Variants in SIK2 observed in about 807,000 individuals in gnomAD.
SIK2 encodes the protein salt inducible kinase 2.
SIK2 carries 29 observed loss-of-function variants against 103.2 expected under a neutral mutation model. The ratio of observed to expected loss-of-function variants is 0.28; its 90% confidence interval spans 0.21 to 0.38. The LOEUF is 0.38. Ranked by LOEUF, SIK2 falls within the 10% of genes least tolerant of loss-of-function variation. SIK2 has a pLI of 1.00. For missense variants in SIK2, 879 were observed against 1,171.0 expected (o/e 0.75, Z 3.64); for synonymous variants, 412 against 446.1 (o/e 0.92, Z 0.96).
chr11:111,713,426 C>T (rs1397434299), intron 9 of SIK2, among the ~76,000 whole-genome samples: 1 of 152,176 alleles, frequency 6.6e-6, no homozygotes, highest in African/African-American at 2.4e-5. Context: ...CTTTGAACCT[C>T]AGTTTTCTCT....
chr11:111,632,722 G>A (rs763418922), intron 3 of SIK2, among the ~76,000 whole-genome samples: 1 of 152,098 alleles, frequency 6.6e-6, no homozygotes, highest in Non-Finnish European at 1.5e-5. Flanking sequence ...ACAAGCTTCC[G>A]TCTGCTGATT....
intron 9 of SIK2, among the ~76,000 whole-genome samples, chr11:111,714,277 CA>C (rs1943579408): frequency 6.6e-6 from 1 of 152,196 alleles, no homozygotes; most frequent in African/African-American, 2.4e-5. Context: ...AGGAGGTTAG[CA>C]TTAAATGGCA....
In SIK2 at chr11:111,720,015, G is replaced by T; in HGVS notation, c.1495+12G>T. On this transcript the variant is annotated intron_variant, in intron 10 of 14. Coordinates refer to ENST00000304987, the MANE Select transcript of SIK2 (RefSeq NM_015191.3). ...GATGCCTGGGGCAGGTACGGTAGAG[G>T]AGCGACACTAGCTTGAGTCTTCATG... The T allele has an allele frequency of 6.2e-7, 1 of 1,608,084 alleles. No homozygotes were observed. Among genetic ancestry groups the T allele is most frequent in the South Asian group, 1.1e-5 (1 of 90,112 alleles).
rs958486252 is a variant in SIK2, at chr11:111,730,704, C to T, written c.*6575C>T. 1.2e-4 allele frequency: 18 copies of T among 151,754 alleles called. No homozygotes were observed. Among genetic ancestry groups the T allele is most frequent in the African/African-American group, 2.9e-4 (12 of 41,258 alleles). The allele number at this position is 151,754 out of a possible 1,614,324, so 9.4% of individuals were successfully genotyped here. ...AAAAAATCAAAAGTATAACTTGTCA[C>T]TTAATGTTAGAAAATTGCCTAAAAT... On this transcript the variant is annotated 3_prime_UTR_variant, in exon 15 of 15. Coordinates refer to ENST00000304987, the MANE Select transcript of SIK2 (RefSeq NM_015191.3).
chr11:111,706,356 G>A (rs1943346040), intron 8 of SIK2, among the ~76,000 whole-genome samples: 1 of 152,154 alleles, frequency 6.6e-6, no homozygotes, highest in African/African-American at 2.4e-5. Context: ...TTGCTCAGGA[G>A]GAAGATGTGG....
At chr11:111,664,319 A>G (rs1358850176) in intron 3 of SIK2, among the ~76,000 whole-genome samples, 1 of 152,142 alleles carries the variant, frequency 6.6e-6, no homozygotes, top group Non-Finnish European at 1.5e-5. Context: ...GTGGGAGAGC[A>G]TGAAATAAGA....
rs75000589 is a variant in SIK2 at position 111,690,166 on chromosome 11, A to C, written c.478+2004A>C. On this transcript the variant is annotated intron_variant, in intron 4 of 14. Transcript: ENST00000304987. ...CCTTCCATTTGGTGTCATTTATTTC[A>C]CTCTTTTTTGCCAACCTTCTGTGAG... 4.1e-5 allele frequency among the ~76,000 whole-genome samples: 6 copies of C among 146,604 alleles called. No homozygotes were observed. The East Asian group carries it at 1.2e-3, about 30-fold the overall frequency.
rs1943813119 is a variant in SIK2 at position 111,721,894 on chromosome 11, C to T, written c.2009C>T (p.Ser670Phe). 6 of 1,612,098 alleles carry T rather than the reference C, an allele frequency of 3.7e-6. No homozygotes were observed. Among genetic ancestry groups the T allele is most frequent in the Non-Finnish European group, 5.1e-6 (6 of 1,179,002 alleles). Residue 670 changes from serine (S) to phenylalanine (F), a missense_variant, in exon 13 of 15, where the codon TCC becomes TTC. Physicochemically the swap from Ser to Phe is radical, Grantham distance 155. Coordinates refer to ENST00000304987, the MANE Select transcript of SIK2 (RefSeq NM_015191.3). ...TLPASVHPQL[S>F]PRQSLETQYL... is the part of the protein sequence containing the mutation. ...CCTGCCAGCGTGCATCCCCAGCTGT[C>T]CCCACGGCAGAGCCTGGAGACCCAG...
rs1022615783 is a variant in SIK2, at chr11:111,717,662, A to G, written c.1267-2113A>G. Among the ~76,000 whole-genome samples the G allele has an allele frequency of 3.9e-5, 6 of 152,232 alleles. 1 individual carries two copies. Among genetic ancestry groups the G allele is most frequent in the South Asian group, 4.1e-4 (2 of 4,834 alleles). On this transcript the variant is annotated intron_variant, in intron 9 of 14. Coordinates refer to ENST00000304987, the MANE Select transcript of SIK2 (RefSeq NM_015191.3). ...GCATGAGTCTGCTCGTTGCAGCTCT[A>G]TTCACAACAGCAAAGACATGGAATC...
chr11:111,666,316 C>T (rs1942541116), intron 3 of SIK2, among the ~76,000 whole-genome samples: 1 of 152,134 alleles, frequency 6.6e-6, no homozygotes, highest in Non-Finnish European at 1.5e-5. Context: ...TATTGCTTCT[C>T]TGTTATTTCC....
intron 3 of SIK2, among the ~76,000 whole-genome samples, chr11:111,655,891 A>C (rs1942385241): frequency 6.6e-6 from 1 of 151,910 alleles, no homozygotes; most frequent in Non-Finnish European, 1.5e-5. Flanking sequence ...GTTTATTAAG[A>C]GATTGAGAAG....
intron 3 of SIK2, among the ~76,000 whole-genome samples, chr11:111,665,495 C>G (rs1398539403): frequency 6.6e-6 from 1 of 151,410 alleles, no homozygotes; most frequent in Non-Finnish European, 1.5e-5. Flanking sequence ...GGTGACAGAG[C>G]AAGACCCTGT....
At chr11:111,620,217 C>T (rs757111022) in intron 2 of SIK2, 122 bp from the exon 3 acceptor site, 12 of 698,834 alleles carry the variant, frequency 1.7e-5, no homozygotes, top group African/African-American at 3.7e-5. Context: ...ACTTAGCCAT[C>T]TTCGGAATTG....
At chr11:111,708,188 C>T (rs1289043573) in intron 8 of SIK2, among the ~76,000 whole-genome samples, 1 of 152,044 alleles carries the variant, frequency 6.6e-6, no homozygotes, top group Non-Finnish European at 1.5e-5. Context: ...TTGAGACCAG[C>T]CTGGGCAACA....
In SIK2 at chr11:111,667,397, A is replaced by G. The variant is rs1591607798; in HGVS notation, c.317-20604A>G. Reference sequence around the variant, plus strand: ...CATTAGCATTTCAATTAGATTTTGGAGATGATTTAGCTATGGATAACAATA... The same window carrying G: ...CATTAGCATTTCAATTAGATTTTGGGGATGATTTAGCTATGGATAACAATA... On this transcript the variant is annotated intron_variant, in intron 3 of 14. Coordinates refer to ENST00000304987, the MANE Select transcript of SIK2 (RefSeq NM_015191.3). Among the ~76,000 whole-genome samples the G allele has an allele frequency of 2.0e-5, 3 of 151,960 alleles. No homozygotes were observed. The South Asian group carries it at 6.2e-4, about 32-fold the overall frequency.
At chr11:111,682,188 C>T (rs939100127) in intron 3 of SIK2, among the ~76,000 whole-genome samples, 7 of 152,082 alleles carry the variant, frequency 4.6e-5, no homozygotes, top group South Asian at 2.1e-4. Flanking sequence ...GTATTATTGC[C>T]ACTCCCAAAA....
intron 3 of SIK2, among the ~76,000 whole-genome samples, chr11:111,632,883 A>T (rs537107722): frequency 6.6e-6 from 1 of 152,278 alleles, no homozygotes; most frequent in East Asian, 1.9e-4. Context: ...AACTACAGTG[A>T]ATATAACTGT....
intron 4 of SIK2, among the ~76,000 whole-genome samples, chr11:111,695,994 T>C (rs761177331): frequency 1.3e-5 from 2 of 152,216 alleles, no homozygotes; most frequent in Non-Finnish European, 2.9e-5. Context: ...ATAGCAGCTC[T>C]AGGGCTGTGT....
At chr11:111,645,918 G>C (rs1942249910) in intron 3 of SIK2, among the ~76,000 whole-genome samples, 2 of 152,128 alleles carry the variant, frequency 1.3e-5, no homozygotes. Context: ...GGTGCTTCTG[G>C]AGTTCTGGTA....
Sources: allele counts gnomAD v4.1 joint callset (sites outside exome capture counted in the v4.1 genomes callset), GRCh38; gene constraint gnomAD v4.1.1; transcripts MANE v1.5; gene names NCBI Gene and HGNC (gene_info 2026-07-23, HGNC 2026-07-21).